The following SND1 variants were observed in gnomAD, a reference collection of about 807,000 sequenced individuals.
SND1 encodes staphylococcal nuclease and tudor domain containing 1, also known as staphylococcal nuclease domain-containing protein 1.
SND1 carries 38 observed loss-of-function variants against 121.7 expected under a neutral mutation model. That is an observed-to-expected ratio of 0.31 (90% CI 0.24 to 0.41). SND1 has a LOEUF of 0.41. SND1 is among the 10% of genes least tolerant of loss of function. The pLI is 1.00. For missense variants in SND1, 868 were observed against 1,184.6 expected (o/e 0.73, Z 3.92); for synonymous variants, 401 against 447.4 (o/e 0.90, Z 1.31).
chr7:127,701,847 A>T (rs1192648336), intron 5 of SND1, among the ~76,000 whole-genome samples: 2 of 152,168 alleles, frequency 1.3e-5, no homozygotes, highest in African/African-American at 2.4e-5. Context: ...TACAATACCT[A>T]TTATAGTGCC....
intron 16 of SND1, among the ~76,000 whole-genome samples, chr7:128,003,659 T>G (rs1304383856): frequency 6.6e-6 from 1 of 152,206 alleles, no homozygotes; most frequent in Non-Finnish European, 1.5e-5. Context: ...TTCATAGCAG[T>G]GCTGCAGCCA....
At chr7:127,674,937 C>G (rs556222379) in intron 1 of SND1, among the ~76,000 whole-genome samples, 2 of 152,348 alleles carry the variant, frequency 1.3e-5, no homozygotes, top group Non-Finnish European at 1.5e-5. Context: ...TGCAGTGGCT[C>G]ATGCCTTAAT....
chr7:128,009,574 T>C (rs1224018723), intron 16 of SND1, among the ~76,000 whole-genome samples: 1 of 152,206 alleles, frequency 6.6e-6, no homozygotes, highest in African/African-American at 2.4e-5. Flanking sequence ...TTTATACAAC[T>C]GATTAATAGA....
At chr7:127,879,712 A>G (rs932414816) in intron 12 of SND1, among the ~76,000 whole-genome samples, 3 of 152,162 alleles carry the variant, frequency 2.0e-5, no homozygotes, top group Non-Finnish European at 4.4e-5. Flanking sequence ...TTGTGGGGAA[A>G]GTATAGTCAA....
At chr7:127,778,275 A>G (rs1245180235) in intron 10 of SND1, among the ~76,000 whole-genome samples, 3 of 150,402 alleles carry the variant, frequency 2.0e-5, no homozygotes, top group African/African-American at 4.9e-5. Context: ...GCTCACTGCA[A>G]CCTCCACCTC....
chr7:128,028,433 T>C (rs1803541422), intron 16 of SND1: 1 of 402,300 alleles, frequency 2.5e-6, no homozygotes, highest in East Asian at 4.2e-5. Context: ...GCAAGTTAAC[T>C]TGTGGCTTGT....
chr7:127,968,193 G>T (rs557616972), intron 15 of SND1, among the ~76,000 whole-genome samples: 1 of 152,134 alleles, frequency 6.6e-6, no homozygotes, highest in Non-Finnish European at 1.5e-5. Context: ...TTTTTTCAAA[G>T]AATATTTTAA....
At chr7:127,773,285 C>T (rs1490807139) in intron 10 of SND1, among the ~76,000 whole-genome samples, 1 of 152,104 alleles carries the variant, frequency 6.6e-6, no homozygotes, top group Admixed American at 6.5e-5. Flanking sequence ...AACCCTGTCT[C>T]TACTAAAATG....
At chr7:127,847,761 A>G (rs1212604648) in intron 12 of SND1, among the ~76,000 whole-genome samples, 1 of 152,242 alleles carries the variant, frequency 6.6e-6, no homozygotes, top group Non-Finnish European at 1.5e-5. Context: ...CGTAGATGCC[A>G]ATAATATGGC....
intron 10 of SND1, among the ~76,000 whole-genome samples, chr7:127,772,585 T>C (rs755138455): frequency 1.6e-4 from 25 of 152,204 alleles, no homozygotes; most frequent in Non-Finnish European, 3.2e-4. Context: ...TCAAAAAATA[T>C]TCCCCCAATA....
chr7:128,070,151 C>A (rs915355702), intron 16 of SND1, among the ~76,000 whole-genome samples: 1 of 152,236 alleles, frequency 6.6e-6, no homozygotes, highest in Non-Finnish European at 1.5e-5. Context: ...CTGTTCGCTT[C>A]TTAACCAGTT....
intron 14 of SND1, among the ~76,000 whole-genome samples, chr7:127,920,784 T>C (rs1416088272): frequency 6.6e-6 from 1 of 151,910 alleles, no homozygotes; most frequent in African/African-American, 2.4e-5. Flanking sequence ...ACTAGGTATA[T>C]TCTTATTTCC....
intron 13 of SND1, among the ~76,000 whole-genome samples, chr7:127,895,504 AT>A (rs1246128789): frequency 2.6e-5 from 4 of 151,932 alleles, no homozygotes; most frequent in Admixed American, 2.6e-4. Flanking sequence ...CCCACCCTAC[AT>A]TTTGGGGTTG....
At chr7:127,673,964 A>T (rs1224955324) in intron 1 of SND1, among the ~76,000 whole-genome samples, 1 of 152,018 alleles carries the variant, frequency 6.6e-6, no homozygotes, top group Non-Finnish European at 1.5e-5. Context: ...TCTATTTAGC[A>T]GAGAAGAGTT....
intron 3 of SND1, among the ~76,000 whole-genome samples, chr7:127,697,915 C>T (rs917215309): frequency 1.3e-5 from 2 of 152,136 alleles, no homozygotes; most frequent in African/African-American, 4.8e-5. Context: ...TATCTTGGAG[C>T]TTGTTCTCTG....
At chr7:127,835,416 CTG>C (rs1798848476) in intron 11 of SND1, among the ~76,000 whole-genome samples, 1 of 152,116 alleles carries the variant, frequency 6.6e-6, no homozygotes, top group Admixed American at 6.6e-5. Flanking sequence ...CCATAGATGA[CTG>C]TGATTGACGC....
At chr7:127,800,988 C>G (rs1328786723) in intron 10 of SND1, among the ~76,000 whole-genome samples, 4 of 152,174 alleles carry the variant, frequency 2.6e-5, no homozygotes, top group African/African-American at 9.7e-5. Flanking sequence ...TGTCCATTTG[C>G]TATGTTGCTC....
chr7:127,908,413 A>G (rs1444227681), intron 14 of SND1, among the ~76,000 whole-genome samples: 1 of 151,766 alleles, frequency 6.6e-6, no homozygotes, highest in Non-Finnish European at 1.5e-5. Flanking sequence ...GGTAACCACT[A>G]AAGGAAGAAA....
At position 127,701,423 on chromosome 7, in the gene SND1, T is replaced by C. The variant is rs575070602; in HGVS notation, c.589+100T>C. ...TGTAAAATCTAGTAAGCCTTTCTTA[T>C]ACTTATTTAGTATCCATGGGAAATC... On this transcript the variant is annotated intron_variant, in intron 5 of 23. Coordinates refer to ENST00000354725, the MANE Select transcript of SND1 (RefSeq NM_014390.4). The C allele has an allele frequency of 5.5e-4, 690 of 1,243,966 alleles. 2 individuals are homozygous for C. The highest frequency in any genetic ancestry group is 7.1e-4 in the Non-Finnish European group (637 of 897,450). 77.1% of individuals were successfully genotyped at this position (1,243,966 alleles called of 1,614,324 possible).
Sources: allele counts gnomAD v4.1 joint callset (sites outside exome capture counted in the v4.1 genomes callset), GRCh38; gene constraint gnomAD v4.1.1; transcripts MANE v1.5; gene names NCBI Gene and HGNC (gene_info 2026-07-23, HGNC 2026-07-21).